Variants in GPATCH2 observed in about 807,000 individuals in gnomAD.
GPATCH2 encodes the protein G-patch domain containing 2, also known as G patch domain-containing protein 2.
In GPATCH2, 51 loss-of-function variants were observed where a neutral mutation model predicts 58.0. That is an observed-to-expected ratio of 0.88 (90% CI 0.70 to 1.11). GPATCH2 has a LOEUF of 1.11. GPATCH2 is among the 50% of genes most tolerant of loss of function. The pLI is 0.00. For missense variants in GPATCH2, 625 were observed against 652.2 expected, an observed-to-expected ratio of 0.96 and a Z score of 0.45; for synonymous variants, 222 against 218.5, an observed-to-expected ratio of 1.02 and a Z score of -0.14.
intron 5 of GPATCH2, among the ~76,000 whole-genome samples, chr1:217,524,219 ACAGGGCGG>A: frequency 1.5e-5 from 1 of 64,624 alleles, no homozygotes. Context: ...CACTTCTCAG[ACAGGGCGG>A]TTGCCAGGCA....
intron 5 of GPATCH2, among the ~76,000 whole-genome samples, chr1:217,529,437 G>A (rs182792910): frequency 1.3e-5 from 2 of 152,198 alleles, no homozygotes; most frequent in South Asian, 2.1e-4. Context: ...TGTAGAAATG[G>A]ATTAGTTCCC....
At chr1:217,444,084 T>C (rs1659268137) in intron 9 of GPATCH2, among the ~76,000 whole-genome samples, 2 of 152,154 alleles carry the variant, frequency 1.3e-5, no homozygotes, top group South Asian at 4.1e-4. Context: ...TTTGGCTTAG[T>C]GTAATTTAAA....
intron 5 of GPATCH2, among the ~76,000 whole-genome samples, chr1:217,594,044 A>C (rs181628164): frequency 6.6e-6 from 1 of 152,244 alleles, no homozygotes; most frequent in East Asian, 1.9e-4. Flanking sequence ...AGATACTGTT[A>C]CAAGTATTAG....
At chr1:217,600,165 A>G (rs1432200242) in intron 5 of GPATCH2, among the ~76,000 whole-genome samples, 5 of 152,162 alleles carry the variant, frequency 3.3e-5, no homozygotes, top group African/African-American at 4.8e-5. Context: ...CTCCTTTGGT[A>G]TGGAAAAAAA....
At chr1:217,462,088 T>C (rs1428468065) in intron 8 of GPATCH2, among the ~76,000 whole-genome samples, 1 of 152,174 alleles carries the variant, frequency 6.6e-6, no homozygotes, top group African/African-American at 2.4e-5. Context: ...ATATTCAGGA[T>C]AGTTTTGACA....
At chr1:217,563,228 AGCCACT>A (rs1280400671) in intron 5 of GPATCH2, among the ~76,000 whole-genome samples, 13 of 152,196 alleles carry the variant, frequency 8.5e-5, no homozygotes, top group African/African-American at 2.4e-4. Flanking sequence ...GTAGTTATAC[AGCCACT>A]ATTAGGTCTT....
intron 8 of GPATCH2, among the ~76,000 whole-genome samples, chr1:217,472,669 G>C (rs1486234949): frequency 6.6e-6 from 1 of 152,164 alleles, no homozygotes; most frequent in Non-Finnish European, 1.5e-5. Flanking sequence ...TCTGACATGA[G>C]AAACAATGTG....
intron 5 of GPATCH2, among the ~76,000 whole-genome samples, chr1:217,536,155 C>T (rs1328575249): frequency 2.0e-5 from 3 of 152,110 alleles, no homozygotes; most frequent in Admixed American, 6.5e-5. Flanking sequence ...CTATTAATGA[C>T]TAACAGGATA....
chr1:217,570,142 G>A (rs989156778), intron 5 of GPATCH2, among the ~76,000 whole-genome samples: 4 of 152,030 alleles, frequency 2.6e-5, no homozygotes, highest in African/African-American at 4.8e-5. Flanking sequence ...AGACAGTCTC[G>A]CTCATGTTGC....
chr1:217,436,362 C>A (rs538839407), intron 9 of GPATCH2, among the ~76,000 whole-genome samples: 8 of 152,172 alleles, frequency 5.3e-5, no homozygotes, highest in African/African-American at 1.7e-4. Flanking sequence ...ACTCTTCATT[C>A]AAAAAGGAAA....
At chr1:217,438,732 T>C (rs1009637734) in intron 9 of GPATCH2, among the ~76,000 whole-genome samples, 4 of 152,068 alleles carry the variant, frequency 2.6e-5, no homozygotes, top group African/African-American at 7.2e-5. Flanking sequence ...AGACCAAACC[T>C]ACGGTTGATA....
At chr1:217,596,493 T>C (rs1667835220) in intron 5 of GPATCH2, among the ~76,000 whole-genome samples, 1 of 152,200 alleles carries the variant, frequency 6.6e-6, no homozygotes, top group Admixed American at 6.5e-5. Flanking sequence ...TTAGGCTTTT[T>C]GTGAACATTA....
intron 5 of GPATCH2, among the ~76,000 whole-genome samples, chr1:217,598,342 C>T (rs1008370361): frequency 1.1e-4 from 17 of 151,964 alleles, no homozygotes; most frequent in African/African-American, 3.4e-4. Context: ...AAGCCAAGAT[C>T]GCACTATTGC....
intron 5 of GPATCH2, among the ~76,000 whole-genome samples, chr1:217,566,101 C>CAAAAAAAAAAAAAAA (rs59608962): frequency 2.1e-5 from 1 of 47,240 alleles, no homozygotes; most frequent in African/African-American, 5.8e-5. Flanking sequence ...AACTCCGTCT[C>CAAAAAAAAAAAAAAA]AAAAAAAAAA....
chr1:217,493,725 C>T (rs1661862895), intron 7 of GPATCH2, among the ~76,000 whole-genome samples: 1 of 152,104 alleles, frequency 6.6e-6, no homozygotes. Flanking sequence ...ATTACTTTGG[C>T]ATTTCTAAGT....
intron 5 of GPATCH2, among the ~76,000 whole-genome samples, chr1:217,571,703 C>CAAAAAAAAAAAAAAAAAA (rs11463536): frequency 6.8e-5 from 5 of 73,814 alleles, no homozygotes; most frequent in Non-Finnish European, 9.9e-5. Context: ...AAAACGAAAC[C>CAAAAAAAAAAAAAAAAAA]AAAAAAAAAA....
chr1:217,457,787 AAC>A (rs1187514319), intron 8 of GPATCH2, among the ~76,000 whole-genome samples: 3 of 152,206 alleles, frequency 2.0e-5, no homozygotes, highest in African/African-American at 7.2e-5. Context: ...AATGTGTCAT[AAC>A]ATACAAGAAT....
chr1:217,487,828 C>T (rs1176354130), intron 8 of GPATCH2, among the ~76,000 whole-genome samples: 3 of 152,116 alleles, frequency 2.0e-5, no homozygotes, highest in African/African-American at 7.2e-5. Flanking sequence ...CTGCAATCTC[C>T]GACTCCTGGG....
At chr1:217,621,257 T>C (rs2102843719) in intron 1 of GPATCH2, among the ~76,000 whole-genome samples, 1 of 152,358 alleles carries the variant, frequency 6.6e-6, no homozygotes, top group South Asian at 2.1e-4. Flanking sequence ...TTATAAATTA[T>C]ACCTGTCCTT....
Sources: gnomAD v4.1 joint callset for allele counts (sites outside exome capture counted in the v4.1 genomes callset) on GRCh38, gnomAD v4.1.1 for gene constraint, MANE v1.5 for transcripts, NCBI Gene and HGNC (gene_info 2026-07-23, HGNC 2026-07-21) for gene names.